Variants in CFAP46 observed in about 807,000 individuals in gnomAD.
CFAP46 encodes the protein cilia- and flagella-associated protein 46.
Under a neutral mutation model 325.7 loss-of-function variants are expected in CFAP46, and 245 were observed. The ratio of observed to expected loss-of-function variants is 0.75; its 90% CI spans 0.68 to 0.84. The LOEUF (loss-of-function observed/expected upper bound fraction) is 0.84, where lower values mean the gene tolerates loss of function less well. Among genes scored for constraint, CFAP46 ranks in the 40% least tolerant of loss-of-function variants. The pLI is 0.00. For synonymous variants in CFAP46, 1,523 were observed against 1,495.9 expected (o/e 1.02, Z -0.42); for missense variants, 3,346 against 3,543.0 (o/e 0.94, Z 1.41).
intron 44 of CFAP46, among the ~76,000 whole-genome samples, chr10:132,838,321 A>G (rs1848299511): frequency 6.6e-6 from 1 of 152,280 alleles, no homozygotes. Context: ...AAGTTTGCAC[A>G]AACAAAGCAG....
At chr10:132,922,347 G>A in intron 12 of CFAP46, 123 bp from the exon 13 acceptor site, 2 of 1,458,102 alleles carry the variant, frequency 1.4e-6, no homozygotes, top group Non-Finnish European at 9.1e-7. Context: ...TAGACACAGT[G>A]ACAGCTCGGT....
At chr10:132,840,524 A>G (rs997534440) in intron 44 of CFAP46, among the ~76,000 whole-genome samples, 5 of 152,184 alleles carry the variant, frequency 3.3e-5, no homozygotes, top group Non-Finnish European at 7.3e-5. Flanking sequence ...CAAAGCTTAA[A>G]TCAAGGTGTT....
At chr10:132,860,628 G>T (rs146077414) in intron 36 of CFAP46, 105 bp from the exon 37 acceptor site, 1 of 1,170,890 alleles carries the variant, frequency 8.5e-7, no homozygotes, top group Non-Finnish European at 1.2e-6. Flanking sequence ...GAGGACAGGC[G>T]GGGGTAGATA....
chr10:132,910,327 G>C (rs2135533931), intron 19 of CFAP46, among the ~76,000 whole-genome samples: 1 of 152,334 alleles, frequency 6.6e-6, no homozygotes, highest in African/African-American at 2.4e-5. Context: ...CCACGGCATG[G>C]GCCTGGGACC....
At chr10:132,863,368 C>T (rs1002064134) in intron 35 of CFAP46, among the ~76,000 whole-genome samples, 1 of 152,170 alleles carries the variant, frequency 6.6e-6, no homozygotes, top group African/African-American at 2.4e-5. Flanking sequence ...GGCTGGCCCT[C>T]TTCTGTGTCT....
chr10:132,812,675 G>A (rs1453454242), intron 55 of CFAP46, 110 bp downstream of exon 55: 28 of 743,162 alleles, frequency 3.8e-5, no homozygotes, highest in East Asian at 1.5e-4. Context: ...AGGGGGCTGC[G>A]GCCACAGGGG....
chr10:132,830,027 C>T (rs1051343261), intron 50 of CFAP46, among the ~76,000 whole-genome samples: 2 of 151,650 alleles, frequency 1.3e-5, no homozygotes, highest in South Asian at 2.1e-4. Flanking sequence ...GTTTGGTATC[C>T]GGATAATGCC....
intron 50 of CFAP46, among the ~76,000 whole-genome samples, chr10:132,820,671 T>A (rs1378162266): frequency 2.2e-5 from 3 of 133,500 alleles, no homozygotes; most frequent in Non-Finnish European, 4.8e-5. Context: ...GTGCTGTGTG[T>A]GCACTGATGT....
Position 132,867,504 on chromosome 10 carries a change from G to A in CFAP46, c.4614C>T (p.Cys1538=), listed in dbSNP as rs941931711. The change falls in exon 34 of 58, where the codon TGC becomes TGT. Residue 1538 remains cysteine, a synonymous_variant. Transcript: ENST00000368586. ...CTTTTTTCAACGCGATCTCTTTTCT[G>A]CAGCTAATGCGAGGAAAACAGACAA... ...VCVSELEQAS[C]RKEIALKKEK... The A allele has an allele frequency of 4.5e-6, 7 of 1,549,578 alleles. No individual in the cohort carries two copies. The highest frequency in any genetic ancestry group is 1.4e-5 in the African/African-American group (1 of 72,890).
intron 50 of CFAP46, among the ~76,000 whole-genome samples, chr10:132,823,293 GTGT>G (rs1304443069): frequency 8.6e-6 from 1 of 115,970 alleles, no homozygotes; most frequent in African/African-American, 3.5e-5. Context: ...TGTGTGCTGT[GTGT>G]TGTGTGTGCT....
chr10:132,878,195 G>C (rs912207584), intron 29 of CFAP46, 108 bp from the exon 30 acceptor site: 2 of 1,006,746 alleles, frequency 2.0e-6, no homozygotes, highest in Non-Finnish European at 3.0e-6. Flanking sequence ...GGGCTCCCCA[G>C]ACTCTAGTGC....
chr10:132,834,834 C>G, intron 47 of CFAP46, 59 bp from the exon 48 acceptor site: 1 of 1,566,294 alleles, frequency 6.4e-7, no homozygotes, highest in Non-Finnish European at 8.7e-7. Context: ...CCAGACCCCG[C>G]GAGGGCCAGG....
Position 132,857,712 on chromosome 10 carries a change from C to T in CFAP46, c.5452G>A (p.Ala1818Thr). The T allele has an allele frequency of 6.2e-7, 1 of 1,612,366 alleles. No individual in the cohort carries two copies. The highest frequency in any genetic ancestry group is 1.1e-5 in the South Asian group (1 of 90,662). Reference sequence around the variant, plus strand: ...AGCCTCCCTTCTTCCTCAGCTACGGCACCCTGGGCCAGGCCATACGCTTCC... The same window carrying T: ...AGCCTCCCTTCTTCCTCAGCTACGGTACCCTGGGCCAGGCCATACGCTTCC... ...YLEAYGLAQG[A>T]VAEEEGRLHS... The change falls in exon 39 of 58, where the codon GCC (alanine) becomes ACC (threonine). Residue 1818 changes from alanine (A) to threonine (T), a missense_variant. Physicochemically the swap from Ala to Thr is moderately conservative, Grantham distance 58. Coordinates refer to ENST00000368586, the MANE Select transcript of CFAP46 (RefSeq NM_001200049.3).
intron 27 of CFAP46, among the ~76,000 whole-genome samples, chr10:132,883,913 G>T (rs184680859): frequency 7.2e-5 from 11 of 152,344 alleles, no homozygotes; most frequent in African/African-American, 2.6e-4. Flanking sequence ...GCTGATGGAT[G>T]CAGGATTGCT....
chr10:132,851,355 G>A lies in CFAP46; in HGVS notation c.5575-50C>T, dbSNP rs1201323138. The A allele has an allele frequency of 1.9e-6, 3 of 1,563,936 alleles. No homozygotes were observed. In the African/African-American group the frequency reaches 4.1e-5, roughly 21 times the overall value. Reference sequence around the variant, plus strand: ...AAGCATGGAAGCTTCTGGTAAGCCTGAATCTACATCCCCACAACTTGGATG... The same window carrying A: ...AAGCATGGAAGCTTCTGGTAAGCCTAAATCTACATCCCCACAACTTGGATG... On this transcript the variant is annotated intron_variant, in intron 39 of 57. Coordinates refer to ENST00000368586, the MANE Select transcript of CFAP46 (RefSeq NM_001200049.3).
chr10:132,905,885 G>A (rs1849449582), intron 22 of CFAP46, among the ~76,000 whole-genome samples: 1 of 152,208 alleles, frequency 6.6e-6, no homozygotes, highest in Non-Finnish European at 1.5e-5. Flanking sequence ...GGCTGGGGAC[G>A]CACCCCCAGC....
chr10:132,823,668 GA>G (rs1847948693), intron 50 of CFAP46, among the ~76,000 whole-genome samples: 2 of 129,980 alleles, frequency 1.5e-5, no homozygotes, highest in African/African-American at 6.0e-5. Flanking sequence ...TGTGTGCGCT[GA>G]TGTGTGCTGT....
In CFAP46 at chr10:132,889,196, A is replaced by G. The variant is rs1849221887; in HGVS notation, c.3304+3137T>C. ...GCACCAGCCCCGTCATGCTATCAGC[A>G]GGACCCGCCTCTGGTGCCAGCACCT... On this transcript the variant is annotated intron_variant, in intron 25 of 57. Transcript: ENST00000368586. This position sits in a 1 kb window ranked among gnomAD's most constrained non-coding sequence, Gnocchi z 6.0. Among the ~76,000 whole-genome samples the G allele has an allele frequency of 3.3e-5, 5 of 152,322 alleles. No homozygotes were observed. The South Asian group carries it at 1.0e-3, about 32-fold the overall frequency.
At chr10:132,840,228 C>T (rs574006304) in intron 44 of CFAP46, among the ~76,000 whole-genome samples, 2 of 152,134 alleles carry the variant, frequency 1.3e-5, no homozygotes, top group Non-Finnish European at 2.9e-5. Context: ...CATTTGAGTC[C>T]GGTGTTGCCT....
Sources: allele counts gnomAD v4.1 joint callset (sites outside exome capture counted in the v4.1 genomes callset), GRCh38; gene constraint gnomAD v4.1.1; non-coding constraint Gnocchi (gnomAD v3.1); transcripts MANE v1.5; gene names NCBI Gene and HGNC (gene_info 2026-07-23, HGNC 2026-07-21).